The following CNTNAP2 variants were observed in gnomAD, a reference collection of about 807,000 sequenced individuals.
CNTNAP2 encodes contactin associated protein 2, also known as contactin-associated protein-like 2.
Under a neutral mutation model 155.2 loss-of-function variants are expected in CNTNAP2, and 98 were observed. That is an observed-to-expected ratio of 0.63 (90% CI 0.54 to 0.75). The LOEUF is 0.75. Ranked by LOEUF, CNTNAP2 falls within the 30% of genes least tolerant of loss-of-function variation. CNTNAP2 has a pLI of 0.00. For missense variants in CNTNAP2, 1,727 were observed against 1,688.1 expected (o/e 1.02, Z -0.40); for synonymous variants, 651 against 631.2 (o/e 1.03, Z -0.47).
chr7:146,946,970 G>T (rs1055598168), intron 3 of CNTNAP2, among the ~76,000 whole-genome samples: 3 of 152,032 alleles, frequency 2.0e-5, no homozygotes, highest in Non-Finnish European at 4.4e-5. Flanking sequence ...GATTTAGACT[G>T]CATCTTCTTT....
chr7:148,114,378 G>C (rs1440931248), intron 15 of CNTNAP2, among the ~76,000 whole-genome samples: 1 of 152,168 alleles, frequency 6.6e-6, no homozygotes, highest in Non-Finnish European at 1.5e-5. Flanking sequence ...AGTGAAAATG[G>C]ATATAAATGA....
intron 12 of CNTNAP2, among the ~76,000 whole-genome samples, chr7:147,573,908 C>T (rs1800342526): frequency 6.6e-6 from 1 of 152,142 alleles, no homozygotes; most frequent in Admixed American, 6.6e-5. Context: ...TTTAGTACAA[C>T]CTACTTCTTC....
At chr7:147,901,904 G>A (rs1799875326) in intron 13 of CNTNAP2, among the ~76,000 whole-genome samples, 1 of 152,220 alleles carries the variant, frequency 6.6e-6, no homozygotes, top group African/African-American at 2.4e-5. Context: ...ATAAAGGAGA[G>A]TTGGGGGCTA....
intron 3 of CNTNAP2, among the ~76,000 whole-genome samples, chr7:147,021,491 A>G (rs376200589): frequency 3.5e-4 from 54 of 152,312 alleles, no homozygotes; most frequent in African/African-American, 1.3e-3. Context: ...GTAAAAGATA[A>G]GACTATTATT....
chr7:146,556,188 A>G (rs926744086), intron 1 of CNTNAP2, among the ~76,000 whole-genome samples: 4 of 152,086 alleles, frequency 2.6e-5, no homozygotes, highest in African/African-American at 7.2e-5. Flanking sequence ...AGTAATTAAA[A>G]CTTGCTTTGA....
intron 14 of CNTNAP2, among the ~76,000 whole-genome samples, chr7:147,954,061 G>C (rs1800980748): frequency 6.6e-6 from 1 of 152,164 alleles, no homozygotes; most frequent in Non-Finnish European, 1.5e-5. Context: ...AGAAGAGTTG[G>C]AGAGAGAAAT....
chr7:146,907,274 C>A (rs559440506), intron 3 of CNTNAP2, among the ~76,000 whole-genome samples: 1 of 145,550 alleles, frequency 6.9e-6, no homozygotes, highest in Non-Finnish European at 1.5e-5. Context: ...GGCAGGCCAA[C>A]GTTCAGATTC....
intron 8 of CNTNAP2, among the ~76,000 whole-genome samples, chr7:147,173,167 G>A (rs1320667534): frequency 6.6e-6 from 1 of 152,102 alleles, no homozygotes; most frequent in African/African-American, 2.4e-5. Context: ...TCTCACTTGA[G>A]TCCTAAAACA....
intron 15 of CNTNAP2, among the ~76,000 whole-genome samples, chr7:148,003,697 ACCACTCT>A (rs751290986): frequency 1.6e-4 from 24 of 152,246 alleles, no homozygotes; most frequent in Non-Finnish European, 3.1e-4. Flanking sequence ...TGTATGGCTA[ACCACTCT>A]CCTTCAAAAA....
chr7:146,305,594 A>T (rs1417897999), intron 1 of CNTNAP2, among the ~76,000 whole-genome samples: 2 of 152,086 alleles, frequency 1.3e-5, no homozygotes, highest in Non-Finnish European at 2.9e-5. Context: ...CAGAACGGCA[A>T]ATATTGCTGC....
chr7:148,290,780 C>T (rs1408742557), intron 21 of CNTNAP2, among the ~76,000 whole-genome samples: 1 of 152,192 alleles, frequency 6.6e-6, no homozygotes, highest in African/African-American at 2.4e-5. Flanking sequence ...CTTTACAAAG[C>T]CCTTCCCTGG....
At chr7:147,831,545 CAT>C (rs1798544643) in intron 13 of CNTNAP2, among the ~76,000 whole-genome samples, 1 of 152,188 alleles carries the variant, frequency 6.6e-6, no homozygotes, top group Admixed American at 6.5e-5. Flanking sequence ...GTGTAAGACA[CAT>C]GTCAGCATCT....
At chr7:147,451,916 C>T (rs193141368) in intron 10 of CNTNAP2, among the ~76,000 whole-genome samples, 6 of 152,280 alleles carry the variant, frequency 3.9e-5, no homozygotes, top group African/African-American at 1.4e-4. Flanking sequence ...GACCTCTTGC[C>T]GTCTCTTGCT....
chr7:146,398,287 C>T (rs1244702982), intron 1 of CNTNAP2, among the ~76,000 whole-genome samples: 1 of 148,238 alleles, frequency 6.7e-6, no homozygotes, highest in East Asian at 2.0e-4. Context: ...TTCCACAGGG[C>T]TAGGAAGGAA....
In CNTNAP2 at chr7:148,415,420, T is replaced by C. The variant is rs1563080510; in HGVS notation, c.3800T>C (p.Val1267Ala). Residue 1267 changes from valine to alanine, a missense_variant, in exon 24 of 24, where the codon GTC (valine) becomes GCC (alanine). Physicochemically the swap from Val to Ala is moderately conservative, Grantham distance 64 (BLOSUM62 0). Transcript: ENST00000361727. ...VNRNSAIIGG[V>A]IAVVIFTILC... is the part of the protein sequence containing the mutation. ...GTGCTTCTCCTTTCTCCGTCAGGCG[T>C]CATTGCTGTGGTGATTTTCACCATC... is the stretch of plus-strand genomic sequence containing the variant. The C allele has an allele frequency of 1.2e-6, 2 of 1,613,552 alleles. No homozygotes were observed. The highest frequency in any genetic ancestry group is 1.7e-6 in the Non-Finnish European group (2 of 1,180,048).
chr7:147,483,750 T>C (rs1485456211), intron 10 of CNTNAP2, among the ~76,000 whole-genome samples: 1 of 152,220 alleles, frequency 6.6e-6, no homozygotes, highest in Non-Finnish European at 1.5e-5. Flanking sequence ...TTGAAGTGTC[T>C]AGCCCATTGC....
At chr7:148,383,036 G>A (rs1799102404) in intron 21 of CNTNAP2, among the ~76,000 whole-genome samples, 2 of 152,208 alleles carry the variant, frequency 1.3e-5, no homozygotes, top group Admixed American at 1.3e-4. Flanking sequence ...ACCAAGGCAT[G>A]TGTTGTTTGT....
At chr7:146,791,583 T>A (rs1340771249) in intron 2 of CNTNAP2, among the ~76,000 whole-genome samples, 2 of 152,174 alleles carry the variant, frequency 1.3e-5, no homozygotes, top group Non-Finnish European at 2.9e-5. Context: ...ACACAGTCAG[T>A]GGTTATGACA....
At chr7:148,169,776 A>G (rs1425117006) in intron 17 of CNTNAP2, among the ~76,000 whole-genome samples, 1 of 152,222 alleles carries the variant, frequency 6.6e-6, no homozygotes, top group Non-Finnish European at 1.5e-5. Flanking sequence ...CCTGGTTAAC[A>G]TGGTGAAACC....
Sources: gnomAD v4.1 joint callset for allele counts (sites outside exome capture counted in the v4.1 genomes callset) on GRCh38, gnomAD v4.1.1 for gene constraint, MANE v1.5 for transcripts, NCBI Gene and HGNC (gene_info 2026-07-23, HGNC 2026-07-21) for gene names.